L3MBTL3: variants seen among roughly 807,000 people sequenced by gnomAD.
L3MBTL3 encodes lethal(3)malignant brain tumor-like protein 3.
Under a neutral mutation model 102.3 loss-of-function variants are expected in L3MBTL3, and 27 were observed. The ratio of observed to expected loss-of-function variants is 0.26; its 90% CI spans 0.19 to 0.36. The LOEUF (loss-of-function observed/expected upper bound fraction) is 0.36. Ranked by LOEUF, L3MBTL3 falls within the 10% of genes least tolerant of loss-of-function variation. The pLI is 1.00. For synonymous variants in L3MBTL3, 340 were observed against 320.9 expected (o/e 1.06, Z -0.64); for missense variants, 798 against 955.3 (o/e 0.84, Z 2.17).
intron 13 of L3MBTL3, among the ~76,000 whole-genome samples, chr6:130,073,509 AT>A (rs34136329): frequency 6.6e-6 from 1 of 152,050 alleles, no homozygotes; most frequent in Admixed American, 6.6e-5. Flanking sequence ...TTTGGGGAGG[AT>A]TTTTTTAAAG....
chr6:130,051,306 G>T lies in L3MBTL3; in HGVS notation c.347G>T (p.Gly116Val), dbSNP rs1781077355. Residue 116 changes from glycine (G) to valine (V), a missense_variant, in exon 6 of 23, where the codon GGG (glycine) becomes GTG (valine). By Grantham distance (109) the Gly-to-Val change is moderately radical. This residue lies in a region of L3MBTL3 where 434 missense variants were observed against 506.6 expected (regional missense o/e 0.86). Coordinates refer to ENST00000361794, the MANE Select transcript of L3MBTL3 (RefSeq NM_032438.4). ...FRLKDPVKVEGLQFCENCCQY... is the reference protein window; with the variant it reads ...FRLKDPVKVEVLQFCENCCQY... ...TTGAAGGATCCAGTGAAAGTAGAAG[G>T]GCTTCAGTTCTGTGAGAACTGTTGT... 1 of 1,613,776 alleles carries T rather than the reference G, an allele frequency of 6.2e-7. No homozygotes were observed. The highest frequency in any genetic ancestry group is 1.3e-5 in the African/African-American group (1 of 74,914).
intron 2 of L3MBTL3, among the ~76,000 whole-genome samples, chr6:130,031,308 A>G (rs562779948): frequency 2.6e-5 from 4 of 152,322 alleles, no homozygotes; most frequent in African/African-American, 9.6e-5. Flanking sequence ...AATAAACTCT[A>G]TCCTCTAAAA....
chr6:130,035,178 A>C (rs966377191), intron 2 of L3MBTL3, among the ~76,000 whole-genome samples: 1 of 152,222 alleles, frequency 6.6e-6, no homozygotes, highest in African/African-American at 2.4e-5. Context: ...TAAACATTCA[A>C]CAGATACAAA....
intron 2 of L3MBTL3, among the ~76,000 whole-genome samples, chr6:130,028,674 G>A (rs1779514345): frequency 6.6e-6 from 1 of 152,186 alleles, no homozygotes; most frequent in Non-Finnish European, 1.5e-5. Context: ...GGTGGTCTCT[G>A]TCATGCTTGA....
chr6:130,074,326 G>C (rs1164769604), intron 13 of L3MBTL3, among the ~76,000 whole-genome samples: 4 of 152,156 alleles, frequency 2.6e-5, no homozygotes, highest in Non-Finnish European at 1.5e-5. Flanking sequence ...AGCTTTCTAT[G>C]AAAGGAAAAT....
In L3MBTL3 at chr6:130,140,070, G is replaced by GT. The variant is rs1200829813; in HGVS notation, c.*318dup. The GT allele has an allele frequency of 5.4e-6, 1 of 185,472 alleles. No homozygotes were observed. The highest frequency in any genetic ancestry group is 1.6e-4 in the East Asian group (1 of 6,414). 11.5% of individuals were successfully genotyped at this position (185,472 alleles called of 1,614,324 possible). On this transcript the variant is annotated 3_prime_UTR_variant, in exon 23 of 23. Transcript: ENST00000361794. ...ATTATTTATGGTAATGGGGGGCAGA[G>GT]TAAGAACTTTTGGCATTTTGTAAAC...
intron 19 of L3MBTL3, among the ~76,000 whole-genome samples, chr6:130,117,339 A>G (rs1461440327): frequency 1.3e-5 from 2 of 151,022 alleles, no homozygotes; most frequent in Admixed American, 6.6e-5. Flanking sequence ...TCCATGGTGT[A>G]TATGTGCCAC....
intron 10 of L3MBTL3, among the ~76,000 whole-genome samples, 174 bp downstream of exon 10, chr6:130,060,314 C>G (rs1478753634): frequency 6.6e-6 from 1 of 152,134 alleles, no homozygotes; most frequent in Non-Finnish European, 1.5e-5. Flanking sequence ...TTTTCTCAAG[C>G]TCTGTTGTGT....
At chr6:130,100,538 TTGGTAGATCATTAGTAAATCAC>T (rs1257499653) in intron 18 of L3MBTL3, among the ~76,000 whole-genome samples, 1 of 152,158 alleles carries the variant, frequency 6.6e-6, no homozygotes, top group Admixed American at 6.5e-5. Flanking sequence ...TAGGCTACCC[TTGGTAGATCATTAGTAAATCAC>T]TGCTTTGAGG....
rs1227937110 is a variant in L3MBTL3 at position 130,071,433 on chromosome 6, G to A, written c.1244+306G>A. Among the ~76,000 whole-genome samples the A allele has an allele frequency of 3.3e-5, 5 of 152,126 alleles. No homozygotes were observed. In the South Asian group the frequency reaches 8.3e-4, roughly 25 times the overall value. On this transcript the variant is annotated intron_variant, in intron 13 of 22. Coordinates refer to ENST00000361794, the MANE Select transcript of L3MBTL3 (RefSeq NM_032438.4). ...TCCCTTCTTATTTTCATGCCCACCA[G>A]CTAATTTAAACATTCGTAATAGCTG...
At chr6:130,135,636 A>G (rs1013503203) in intron 22 of L3MBTL3, among the ~76,000 whole-genome samples, 5 of 152,104 alleles carry the variant, frequency 3.3e-5, no homozygotes, top group African/African-American at 1.2e-4. Flanking sequence ...TTCATGGCAG[A>G]TTGTCTTTGG....
chr6:130,032,114 A>G (rs970240826), intron 2 of L3MBTL3, among the ~76,000 whole-genome samples: 3 of 152,010 alleles, frequency 2.0e-5, no homozygotes, highest in African/African-American at 2.4e-5. Flanking sequence ...GGGTCTCACT[A>G]TGTTGCCCAG....
chr6:130,040,770 G>A (rs1263380102), intron 2 of L3MBTL3, among the ~76,000 whole-genome samples: 4 of 152,146 alleles, frequency 2.6e-5, no homozygotes, highest in African/African-American at 9.7e-5. Context: ...AAAACCAGGA[G>A]CTTGCATCCA....
intron 2 of L3MBTL3, among the ~76,000 whole-genome samples, chr6:130,024,785 G>C (rs1248557733): frequency 6.6e-6 from 1 of 152,044 alleles, no homozygotes; most frequent in Non-Finnish European, 1.5e-5. Flanking sequence ...AGGAGTTCTA[G>C]AGATCCTTAC....
At chr6:130,053,081 GT>G (rs2114800590) in intron 7 of L3MBTL3, 90 bp downstream of exon 7, 1 of 983,788 alleles carries the variant, frequency 1.0e-6, no homozygotes, top group East Asian at 2.4e-5. Flanking sequence ...AGCCCACTGA[GT>G]TCAAATGTGG....
chr6:130,019,706 C>T (rs932068906), intron 1 of L3MBTL3, among the ~76,000 whole-genome samples: 5 of 151,650 alleles, frequency 3.3e-5, no homozygotes, highest in South Asian at 2.1e-4. Context: ...CTCCCTCTTC[C>T]CAACCGAGTG....
intron 2 of L3MBTL3, among the ~76,000 whole-genome samples, chr6:130,028,805 C>G (rs1027800736): frequency 1.3e-5 from 2 of 152,168 alleles, no homozygotes; most frequent in African/African-American, 4.8e-5. Flanking sequence ...AATTTAACTT[C>G]TTTTGATGTG....
At chr6:130,132,013 C>T (rs1261340047) in intron 20 of L3MBTL3, among the ~76,000 whole-genome samples, 2 of 152,226 alleles carry the variant, frequency 1.3e-5, no homozygotes, top group Non-Finnish European at 2.9e-5. Flanking sequence ...AGCTCCTGCT[C>T]AAGATGGAGT....
chr6:130,070,170 G>GCAT (rs112711479), intron 12 of L3MBTL3, among the ~76,000 whole-genome samples: 6,674 of 152,052 alleles, frequency 0.044, 443 homozygotes, highest in African/African-American at 0.15. Context: ...GTTGTGATTT[G>GCAT]CATAATTGGT....
Sources: gnomAD v4.1 joint callset for allele counts (sites outside exome capture counted in the v4.1 genomes callset) on GRCh38, gnomAD v4.1.1 for gene constraint, gnomAD v4.1.1 regional missense constraint, MANE v1.5 for transcripts, NCBI Gene and HGNC (gene_info 2026-07-23, HGNC 2026-07-21) for gene names.